LMNTD1: variants seen among roughly 807,000 people sequenced by gnomAD.
LMNTD1 encodes the protein lamin tail domain-containing protein 1.
A neutral mutation model predicts 50.9 loss-of-function variants in LMNTD1; 35 were observed. That is an observed-to-expected ratio of 0.69 (90% CI 0.53 to 0.91). LMNTD1 has a LOEUF of 0.91. LMNTD1 is among the 40% of genes least tolerant of loss of function. LMNTD1 has a pLI of 0.00. For synonymous variants in LMNTD1, 153 were observed against 161.9 expected (o/e 0.94, Z 0.42); for missense variants, 470 against 475.5 (o/e 0.99, Z 0.11).
intron 9 of LMNTD1, among the ~76,000 whole-genome samples, chr12:25,479,193 T>C (rs1426910630): frequency 6.6e-6 from 1 of 152,140 alleles, no homozygotes; most frequent in Non-Finnish European, 1.5e-5. Flanking sequence ...TAACTTCCAG[T>C]TTAATGGAAT....
At chr12:25,612,711 A>G (rs1485269723) in intron 1 of LMNTD1, among the ~76,000 whole-genome samples, 2 of 152,106 alleles carry the variant, frequency 1.3e-5, no homozygotes, top group South Asian at 4.2e-4. Flanking sequence ...CTTTATATAT[A>G]TATATATTTT....
chr12:25,509,815 A>G (rs897985594), intron 8 of LMNTD1, among the ~76,000 whole-genome samples: 1 of 152,244 alleles, frequency 6.6e-6, no homozygotes, highest in Non-Finnish European at 1.5e-5. Flanking sequence ...CGATGGATCA[A>G]CAAGCCAAGG....
At chr12:25,505,996 A>G (rs1315654611) in intron 8 of LMNTD1, among the ~76,000 whole-genome samples, 1 of 152,204 alleles carries the variant, frequency 6.6e-6, no homozygotes, top group African/African-American at 2.4e-5. Context: ...CACTAATCTG[A>G]GGAATATATA....
intron 6 of LMNTD1, among the ~76,000 whole-genome samples, chr12:25,524,604 T>C (rs964536303): frequency 6.6e-6 from 1 of 152,064 alleles, no homozygotes; most frequent in Admixed American, 6.6e-5. Flanking sequence ...ACATACAAAG[T>C]AGAAATCACA....
intron 6 of LMNTD1, among the ~76,000 whole-genome samples, chr12:25,522,884 C>G (rs892107882): frequency 7.2e-5 from 11 of 152,072 alleles, no homozygotes; most frequent in African/African-American, 2.7e-4. Context: ...TAATACATGG[C>G]AAAGCAAAAC....
chr12:25,582,096 T>C (rs766547768), intron 1 of LMNTD1, among the ~76,000 whole-genome samples: 10 of 152,214 alleles, frequency 6.6e-5, no homozygotes, highest in Admixed American at 2.6e-4. Flanking sequence ...GAAATGTTTC[T>C]TCACTGAGGG....
intron 8 of LMNTD1, 136 bp from the exon 9 acceptor site, chr12:25,503,936 C>T: frequency 1.8e-6 from 1 of 542,738 alleles, no homozygotes; most frequent in East Asian, 3.0e-5. Flanking sequence ...AAAGGATTTT[C>T]TTTCACTTGA....
intron 1 of LMNTD1, among the ~76,000 whole-genome samples, chr12:25,605,901 T>TA (rs1391503188): frequency 6.6e-6 from 1 of 152,220 alleles, no homozygotes; most frequent in Non-Finnish European, 1.5e-5. Context: ...GGGGATGGCA[T>TA]TGAATCTATA....
chr12:25,549,726 TATCAATA>T (rs1232110551), intron 2 of LMNTD1, among the ~76,000 whole-genome samples, 180 bp from the exon 3 acceptor site: 1 of 152,166 alleles, frequency 6.6e-6, no homozygotes, highest in Non-Finnish European at 1.5e-5. Context: ...AACACTTTAT[TATCAATA>T]TGTTGTATGC....
rs1943858242 is a variant in LMNTD1, at chr12:25,552,932, C to T, written c.28G>A (p.Ala10Thr). The T allele has an allele frequency of 6.4e-7, 1 of 1,565,820 alleles. No homozygotes were observed. Among genetic ancestry groups the T allele is most frequent in the Non-Finnish European group, 8.7e-7 (1 of 1,153,952 alleles). Reference sequence around the variant, plus strand: ...ACTTTATTCTGCATTGCCTTCGAAGCTTCCTGAATGTCTTGTGTATCTTTC... The same window carrying T: ...ACTTTATTCTGCATTGCCTTCGAAGTTTCCTGAATGTCTTGTGTATCTTTC... MKDTQDIQE[A>T]SKAMQNKVHE... Residue 10 changes from alanine to threonine, a missense_variant, in exon 2 of 10, where the codon GCT becomes ACT. Transcript: ENST00000458174.
intron 1 of LMNTD1, among the ~76,000 whole-genome samples, chr12:25,594,286 G>A (rs1297205205): frequency 6.6e-6 from 1 of 152,114 alleles, no homozygotes; most frequent in Non-Finnish European, 1.5e-5. Context: ...TTAAGATAAA[G>A]GAAAGAATCT....
At chr12:25,522,660 G>T (rs1385741507) in intron 6 of LMNTD1, among the ~76,000 whole-genome samples, 1 of 152,088 alleles carries the variant, frequency 6.6e-6, no homozygotes, top group Non-Finnish European at 1.5e-5. Flanking sequence ...TATAGGACTG[G>T]TCTGTTCCAC....
chr12:25,479,784 T>C (rs923707616), intron 9 of LMNTD1, among the ~76,000 whole-genome samples: 4 of 152,222 alleles, frequency 2.6e-5, no homozygotes, highest in African/African-American at 7.2e-5. Flanking sequence ...CTTTTCATGA[T>C]AGAAGAGGTC....
chr12:25,556,041 C>T (rs557912431), upstream of LMNTD1, among the ~76,000 whole-genome samples: 24 of 136,184 alleles, frequency 1.8e-4, no homozygotes, highest in East Asian at 1.8e-3. Flanking sequence ...GGTGCAATCT[C>T]GGCTCACTGC....
chr12:25,500,534 TGA>T (rs1939326131), intron 9 of LMNTD1, among the ~76,000 whole-genome samples: 1 of 152,182 alleles, frequency 6.6e-6, no homozygotes, highest in African/African-American at 2.4e-5. Context: ...TTACTGGTTG[TGA>T]GTTTATATGC....
At position 25,516,689 on chromosome 12, in the gene LMNTD1, T is replaced by C. The variant is rs916129796; in HGVS notation, c.1189+2106A>G. Among the ~76,000 whole-genome samples, 12 of 152,076 alleles carry C rather than the reference T, an allele frequency of 7.9e-5. 1 individual carries two copies. Among genetic ancestry groups the C allele is most frequent in the Admixed American group, 7.2e-4 (11 of 15,266 alleles). On this transcript the variant is annotated intron_variant, in intron 8 of 9. Transcript: ENST00000458174. ...GAGGAAACTCAGACATAGAGCTACA[T>C]GGTACACAATTTTATGAAAAAGAAA...
chr12:25,481,756 C>T (rs1037010472), intron 9 of LMNTD1, among the ~76,000 whole-genome samples: 13 of 150,834 alleles, frequency 8.6e-5, no homozygotes, highest in African/African-American at 2.7e-4. Context: ...TCTTGTGTGA[C>T]GGCTGTGGCT....
intron 1 of LMNTD1, among the ~76,000 whole-genome samples, chr12:25,643,767 G>T (rs1946999460): frequency 6.6e-6 from 1 of 152,184 alleles, no homozygotes; most frequent in Admixed American, 6.5e-5. Context: ...ACAGGATCCT[G>T]ATGGAAAGTG....
At chr12:25,612,788 A>G (rs1359086267) in intron 1 of LMNTD1, among the ~76,000 whole-genome samples, 1 of 152,154 alleles carries the variant, frequency 6.6e-6, no homozygotes, top group Non-Finnish European at 1.5e-5. Flanking sequence ...GGCCCCAAAG[A>G]CATCTAGGTC....
Sources: gnomAD v4.1 joint callset for allele counts (sites outside exome capture counted in the v4.1 genomes callset) on GRCh38, gnomAD v4.1.1 for gene constraint, MANE v1.5 for transcripts, NCBI Gene and HGNC (gene_info 2026-07-23, HGNC 2026-07-21) for gene names.